The following MBNL3 variants were observed in gnomAD, a reference collection of about 807,000 sequenced individuals.
The protein encoded by MBNL3 is muscleblind-like protein 3.
MBNL3 carries 6 observed loss-of-function variants against 24.5 expected under a neutral mutation model. The ratio of observed to expected loss-of-function variants is 0.25; its 90% CI spans 0.13 to 0.48. The LOEUF (loss-of-function observed/expected upper bound fraction) is 0.48. MBNL3 is among the 20% of genes least tolerant of loss of function. The probability of loss-of-function intolerance (pLI) is 0.99; values close to 1 mark genes in which losing one functional copy is unlikely to be tolerated. For synonymous variants in MBNL3, 100 were observed against 101.7 expected, an observed-to-expected ratio of 0.98 and a Z score of 0.10; for missense variants, 230 against 293.5, an observed-to-expected ratio of 0.78 and a Z score of 1.58.
At position 132,424,540 on chromosome X, in the gene MBNL3, T is replaced by C. The variant is rs181093611; in HGVS notation, c.177+14895A>G. Among the ~76,000 whole-genome samples, 6 of 111,947 alleles carry C rather than the reference T, an allele frequency of 5.4e-5. No individual in the cohort carries two copies. The East Asian group carries it at 1.7e-3, about 32-fold the overall frequency. ...TCAACGAAAGCAGAGGAGTTTATAA[T>C]GAAAAATATGCGATAAAAATGGCAC... On this transcript the variant is annotated intron_variant, in intron 2 of 8. Transcript: ENST00000370853.
intron 3 of MBNL3, among the ~76,000 whole-genome samples, chrX:132,398,415 G>A (rs1487644913): frequency 9.0e-6 from 1 of 111,574 alleles, no homozygotes; most frequent in African/African-American, 3.3e-5. Context: ...TGACCACCGT[G>A]TAATAATAAT....
chrX:132,403,051 A>G (rs1941202165), intron 3 of MBNL3, among the ~76,000 whole-genome samples: 1 of 111,938 alleles, frequency 8.9e-6, no homozygotes, highest in Admixed American at 9.5e-5. Flanking sequence ...AGAGACAAGA[A>G]TCAGATTATT....
In MBNL3 at chrX:132,373,877, C is replaced by T. The variant is rs1933864494; in HGVS notation, c.*5789G>A. ...GAGGCTGAAGTGGCACAGTTAACTACTTTGTAATCTGGTAAAGGTAGGTCA... is the reference window on the plus strand; with the variant it reads ...GAGGCTGAAGTGGCACAGTTAACTATTTTGTAATCTGGTAAAGGTAGGTCA... On this transcript the variant is annotated 3_prime_UTR_variant, in exon 9 of 9. Transcript: ENST00000370853. The T allele has an allele frequency of 9.0e-6, 1 of 111,548 alleles. No homozygotes were observed. The highest frequency in any genetic ancestry group is 1.9e-5 in the Non-Finnish European group (1 of 52,948). 9.2% of individuals were successfully genotyped at this position (111,548 alleles called of 1,213,427 possible).
intron 1 of MBNL3, among the ~76,000 whole-genome samples, chrX:132,484,116 T>C (rs1947883520): frequency 8.9e-6 from 1 of 111,751 alleles, no homozygotes; most frequent in Non-Finnish European, 1.9e-5. Context: ...GAAAGAAAAG[T>C]AGCAGCTGGC....
At chrX:132,454,978 G>A (rs147569006) in intron 1 of MBNL3, among the ~76,000 whole-genome samples, 1,677 of 111,794 alleles carry the variant, frequency 0.015, 25 homozygotes, top group African/African-American at 0.051. Context: ...GGAAATTGTG[G>A]GCCTTTCTTT....
intron 1 of MBNL3, among the ~76,000 whole-genome samples, chrX:132,445,589 A>T (rs1945665165): frequency 9.0e-6 from 1 of 111,416 alleles, no homozygotes; most frequent in Non-Finnish European, 1.9e-5. Flanking sequence ...AAGTCAACTT[A>T]TTCTATTTTG....
At position 132,439,501 on chromosome X, in the gene MBNL3, AAACTTGC is replaced by A; in HGVS notation, c.104_110del (p.Cys35LeufsTer22). The A allele has an allele frequency of 2.5e-6, 3 of 1,209,287 alleles. No homozygotes were observed. The highest frequency in any genetic ancestry group is 2.2e-6 in the Non-Finnish European group (2 of 894,425). On this transcript the variant is annotated frameshift_variant, in exon 2 of 9. Coordinates refer to ENST00000370853, the MANE Select transcript of MBNL3 (RefSeq NM_001386889.1). LOFTEE classifies it high-confidence loss of function. ...CATGGCAAACTCTTGGTGGATGGGC[AAACTTGC>A]AATCTGCATCAGCTCGAGAGCAAGT...
chrX:132,393,575 C>T (rs1242996290), intron 3 of MBNL3, among the ~76,000 whole-genome samples: 2 of 111,148 alleles, frequency 1.8e-5, no homozygotes, highest in Non-Finnish European at 3.8e-5. Context: ...GTTCTCATCT[C>T]CCCTATAGTA....
At chrX:132,381,018 CA>C (rs200570179) in intron 8 of MBNL3, among the ~76,000 whole-genome samples, 65 of 105,977 alleles carry the variant, frequency 6.1e-4, no homozygotes, top group African/African-American at 1.9e-3. Context: ...GTTTGATCTT[CA>C]AAAAAAAAAT....
chrX:132,461,760 T>C (rs1436291975), intron 1 of MBNL3, among the ~76,000 whole-genome samples: 2 of 112,147 alleles, frequency 1.8e-5, no homozygotes, highest in African/African-American at 3.2e-5. Context: ...AAGGTTCCTA[T>C]TTTCCTTTAG....
chrX:132,436,399 G>A (rs779327005), intron 2 of MBNL3, among the ~76,000 whole-genome samples: 2 of 112,093 alleles, frequency 1.8e-5, no homozygotes, highest in African/African-American at 6.5e-5. Flanking sequence ...ATTATGAGGT[G>A]AGTTAGAACA....
rs944593930 is a variant in MBNL3 at position 132,375,652 on chromosome X, C to T, written c.*4014G>A. 5 of 111,768 alleles carry T rather than the reference C, an allele frequency of 4.5e-5. No homozygotes were observed. The highest frequency in any genetic ancestry group is 9.4e-5 in the Non-Finnish European group (5 of 52,933). 9.2% of individuals were successfully genotyped at this position (111,768 alleles called of 1,213,427 possible). A position where few individuals can be genotyped will look rare whatever the true frequency, so the allele number is the denominator to read the frequency against. On this transcript the variant is annotated 3_prime_UTR_variant, in exon 9 of 9. Coordinates refer to ENST00000370853, the MANE Select transcript of MBNL3 (RefSeq NM_001386889.1). ...TACAGGCACTGGTTAAACAAGGCTA[C>T]TGTCTTAGTATATCTATTCATCAGA...
chrX:132,384,599 G>A, intron 7 of MBNL3, 64 bp downstream of exon 7: 1 of 1,021,210 alleles, frequency 9.8e-7, no homozygotes, highest in Non-Finnish European at 1.3e-6. Context: ...ATCTTTCATA[G>A]TCACAACAGA....
intron 6 of MBNL3, among the ~76,000 whole-genome samples, chrX:132,386,271 C>T (rs1264831612): frequency 8.9e-6 from 1 of 111,752 alleles, no homozygotes; most frequent in Admixed American, 9.5e-5. Context: ...ATATCAAAGA[C>T]ATATTGACAA....
intron 2 of MBNL3, among the ~76,000 whole-genome samples, chrX:132,435,456 T>G (rs1011190686): frequency 1.3e-4 from 14 of 111,352 alleles, no homozygotes; most frequent in Non-Finnish European, 2.3e-4. Flanking sequence ...GCATCTAGTT[T>G]CTGGTAAACT....
At chrX:132,390,767 G>T in intron 5 of MBNL3, 80 bp downstream of exon 5, 1 of 813,418 alleles carries the variant, frequency 1.2e-6, no homozygotes, top group Non-Finnish European at 1.8e-6. Flanking sequence ...CCATGAGTAT[G>T]GTTACAGGAT....
chrX:132,468,666 G>A (rs754134876), intron 1 of MBNL3, among the ~76,000 whole-genome samples: 2 of 112,208 alleles, frequency 1.8e-5, no homozygotes, highest in Admixed American at 9.4e-5. Flanking sequence ...TGAGGAAACT[G>A]AGACACAGAG....
chrX:132,406,049 G>A (rs946589321), intron 3 of MBNL3, among the ~76,000 whole-genome samples, 179 bp downstream of exon 3: 2 of 111,034 alleles, frequency 1.8e-5, no homozygotes, highest in Non-Finnish European at 3.8e-5. Context: ...GTGAACTCAT[G>A]CAGCCAGGTT....
intron 1 of MBNL3, among the ~76,000 whole-genome samples, chrX:132,452,643 T>C (rs760731481): frequency 9.8e-5 from 11 of 112,815 alleles, no homozygotes; most frequent in Non-Finnish European, 1.5e-4. Context: ...TCAACAAATA[T>C]TTAATATCAA....
Sources: allele counts gnomAD v4.1 joint callset (sites outside exome capture counted in the v4.1 genomes callset), GRCh38; gene constraint gnomAD v4.1.1; transcripts MANE v1.5; gene names NCBI Gene and HGNC (gene_info 2026-07-23, HGNC 2026-07-21).